The following TESK2 variants were observed in gnomAD, a reference collection of about 807,000 sequenced individuals.
TESK2 encodes dual specificity testis-specific protein kinase 2.
A neutral mutation model predicts 57.1 loss-of-function variants in TESK2; 39 were observed. The observed-to-expected ratio is 0.68, with a 90% CI of 0.53 to 0.89. TESK2 has a LOEUF of 0.89. Among genes scored for constraint, TESK2 ranks in the 40% least tolerant of loss-of-function variants. The probability of loss-of-function intolerance (pLI) is 0.00; values close to 1 mark genes in which losing one functional copy is unlikely to be tolerated. For missense variants in TESK2, 646 were observed against 732.1 expected (o/e 0.88, Z 1.36); for synonymous variants, 249 against 267.9 (o/e 0.93, Z 0.69).
At chr1:45,384,323 C>CCATGTATGTATGTATGTATGTATG (rs556693124) in intron 4 of TESK2, among the ~76,000 whole-genome samples, 17 of 150,364 alleles carry the variant, frequency 1.1e-4, no homozygotes, top group African/African-American at 3.9e-4. Flanking sequence ...GGGTCTCACT[C>CCATGTATGTATGTATGTATGTATG]TATGTATGTA....
intron 2 of TESK2, among the ~76,000 whole-genome samples, chr1:45,427,814 A>G (rs926687053): frequency 1.3e-5 from 2 of 152,172 alleles, no homozygotes; most frequent in African/African-American, 2.4e-5. Context: ...GTACAAAAAT[A>G]TAGCTTGATA....
intron 5 of TESK2, among the ~76,000 whole-genome samples, chr1:45,350,485 T>C (rs537551901): frequency 1.3e-5 from 2 of 152,290 alleles, no homozygotes; most frequent in South Asian, 4.2e-4. Context: ...ACAAACTGAC[T>C]CCCTAAACCC....
chr1:45,365,984 T>G (rs1226681268), intron 4 of TESK2, among the ~76,000 whole-genome samples: 1 of 152,054 alleles, frequency 6.6e-6, no homozygotes, highest in Non-Finnish European at 1.5e-5. Flanking sequence ...TAATTTTGTA[T>G]TTTTAGTAGA....
At chr1:45,476,659 A>G (rs565247741) in intron 1 of TESK2, among the ~76,000 whole-genome samples, 1 of 151,568 alleles carries the variant, frequency 6.6e-6, no homozygotes, top group South Asian at 2.1e-4. Flanking sequence ...CATCCTGGCT[A>G]ACACGGTGAA....
intron 3 of TESK2, among the ~76,000 whole-genome samples, chr1:45,405,706 C>T (rs1391924628): frequency 1.3e-5 from 2 of 149,790 alleles, no homozygotes; most frequent in Non-Finnish European, 3.0e-5. Context: ...CATATATATA[C>T]ACACACACAC....
At chr1:45,465,006 G>A (rs939111374) in intron 1 of TESK2, among the ~76,000 whole-genome samples, 19 of 152,118 alleles carry the variant, frequency 1.2e-4, no homozygotes, top group Admixed American at 1.2e-3. Flanking sequence ...GGAGGCCAAG[G>A]CAGGTAGATC....
intron 4 of TESK2, among the ~76,000 whole-genome samples, chr1:45,372,946 C>A (rs111599204): frequency 1.4e-5 from 2 of 147,448 alleles, no homozygotes; most frequent in East Asian, 4.0e-4. Flanking sequence ...GAGAATTGCT[C>A]GAACCTGGGA....
At chr1:45,435,574 T>TG in intron 2 of TESK2, among the ~76,000 whole-genome samples, 1 of 143,352 alleles carries the variant, frequency 7.0e-6, no homozygotes, top group East Asian at 2.0e-4. Flanking sequence ...TTTTTTTTTT[T>TG]TTTTTTTTTT....
intron 1 of TESK2, among the ~76,000 whole-genome samples, chr1:45,467,225 T>C (rs1652587366): frequency 6.6e-6 from 1 of 152,204 alleles, no homozygotes; most frequent in East Asian, 1.9e-4. Flanking sequence ...TAACACAAAA[T>C]GATATATCTG....
intron 4 of TESK2, among the ~76,000 whole-genome samples, chr1:45,369,634 C>T (rs1001868356): frequency 6.6e-6 from 1 of 151,638 alleles, no homozygotes; most frequent in Admixed American, 6.6e-5. Flanking sequence ...AGAGAGGATG[C>T]GGCCGAGAAA....
At chr1:45,452,032 CA>C (rs566363776) in intron 2 of TESK2, among the ~76,000 whole-genome samples, 92 of 103,788 alleles carry the variant, frequency 8.9e-4, no homozygotes, top group East Asian at 9.3e-4. Flanking sequence ...GACTCCGTCT[CA>C]AAAAAAAAAA....
At position 45,344,156 on chromosome 1, in the gene TESK2, C is replaced by T. The variant is rs1454275292; in HGVS notation, c.*684G>A. Reference sequence around the variant, plus strand: ...GCCCTAGGGCCTACAAAACCAGCCCCACTCCCAACCACAAGGTTGAAAGTC... The same window carrying T: ...GCCCTAGGGCCTACAAAACCAGCCCTACTCCCAACCACAAGGTTGAAAGTC... On this transcript the variant is annotated 3_prime_UTR_variant, in exon 11 of 11. Transcript: ENST00000372086. 1.2e-5 allele frequency: 2 copies of T among 161,370 alleles called. No individual in the cohort carries two copies. Among genetic ancestry groups the T allele is most frequent in the African/African-American group, 2.4e-5 (1 of 41,548 alleles). 10.0% of individuals were successfully genotyped at this position (161,370 alleles called of 1,614,324 possible).
intron 1 of TESK2, among the ~76,000 whole-genome samples, chr1:45,464,205 C>A (rs552535552): frequency 6.6e-6 from 1 of 152,138 alleles, no homozygotes; most frequent in South Asian, 2.1e-4. Flanking sequence ...TCTTCAATTT[C>A]TTTCATCAAT....
At chr1:45,422,827 T>G (rs1650533107) in intron 2 of TESK2, among the ~76,000 whole-genome samples, 1 of 151,072 alleles carries the variant, frequency 6.6e-6, no homozygotes, top group Non-Finnish European at 1.5e-5. Context: ...TAGAGTGCAG[T>G]GGCGTGATCT....
intron 4 of TESK2, among the ~76,000 whole-genome samples, chr1:45,372,543 C>T (rs1329085375): frequency 6.6e-6 from 1 of 151,810 alleles, no homozygotes; most frequent in Non-Finnish European, 1.5e-5. Flanking sequence ...CGTGCCACTG[C>T]ACTCCAGCCT....
chr1:45,424,078 T>C (rs1466493518), intron 2 of TESK2, among the ~76,000 whole-genome samples: 1 of 152,234 alleles, frequency 6.6e-6, no homozygotes, highest in Non-Finnish European at 1.5e-5. Flanking sequence ...GGGACTTTAC[T>C]ATGCAAAAAT....
intron 4 of TESK2, among the ~76,000 whole-genome samples, chr1:45,356,618 TAAA>T (rs57535694): frequency 3.1e-5 from 4 of 129,722 alleles, no homozygotes; most frequent in Admixed American, 7.9e-5. Context: ...GACCCTGTCT[TAAA>T]AAAAAAAAAA....
intron 1 of TESK2, among the ~76,000 whole-genome samples, chr1:45,463,936 T>C (rs1652433419): frequency 6.6e-6 from 1 of 152,118 alleles, no homozygotes; most frequent in Admixed American, 6.6e-5. Context: ...TTGGTTACAA[T>C]AGCTCTGTGG....
intron 9 of TESK2, 32 bp from the exon 10 acceptor site, chr1:45,346,026 C>A (rs1647139332): frequency 1.4e-6 from 2 of 1,472,542 alleles, no homozygotes; most frequent in African/African-American, 2.8e-5. Context: ...ATGAGCTCTG[C>A]CCTCCATCTC....
Sources: allele counts gnomAD v4.1 joint callset (sites outside exome capture counted in the v4.1 genomes callset), GRCh38; gene constraint gnomAD v4.1.1; transcripts MANE v1.5; gene names NCBI Gene and HGNC (gene_info 2026-07-23, HGNC 2026-07-21).